KIAA1671: variants seen among roughly 807,000 people sequenced by gnomAD.
KIAA1671 encodes uncharacterized protein KIAA1671.
In KIAA1671, 52 loss-of-function variants were observed where a neutral mutation model predicts 131.2. That is an observed-to-expected ratio of 0.40 (90% confidence interval 0.32 to 0.50). The LOEUF (loss-of-function observed/expected upper bound fraction) is 0.50. KIAA1671 is among the 20% of genes least tolerant of loss of function. The pLI is 0.73. For missense variants in KIAA1671, 2,360 were observed against 2,364.2 expected (o/e 1.00, Z 0.04); for synonymous variants, 1,003 against 961.6 (o/e 1.04, Z -0.80).
Position 25,040,017 on chromosome 22 carries a change from T to C in KIAA1671, c.2887T>C (p.Ser963Pro), listed in dbSNP as rs1242584997. ...PPNVKFDTFS[S>P]LVPEDSPHVG... ...CAACGTGAAATTTGATACATTCAGT[T>C]CTCTTGTCCCAGAGGACTCTCCACA... The change falls in exon 5 of 13, where the codon TCT becomes CCT. Residue 963 changes from serine (S) to proline (P), a missense_variant. Transcript: ENST00000358431. 6.4e-7 allele frequency: 1 copy of C among 1,551,482 alleles called. No individual in the cohort carries two copies. The highest frequency in any genetic ancestry group is 1.4e-5 in the African/African-American group (1 of 73,002).
At chr22:25,156,260 C>T (rs890968540) in intron 6 of KIAA1671, among the ~76,000 whole-genome samples, 5 of 151,714 alleles carry the variant, frequency 3.3e-5, no homozygotes, top group South Asian at 2.1e-4. Flanking sequence ...CTCCTGACCT[C>T]GTGATCCGCC....
At chr22:25,169,834 T>C (rs796813883) in intron 6 of KIAA1671, among the ~76,000 whole-genome samples, 7 of 152,346 alleles carry the variant, frequency 4.6e-5, no homozygotes, top group African/African-American at 1.7e-4. Flanking sequence ...AAGGGATTGA[T>C]GTTGCCTGAA....
rs796981882 is a variant in KIAA1671, at chr22:25,027,517, A to G, written c.-55-428A>G. 5.3e-3 allele frequency among the ~76,000 whole-genome samples: 814 copies of G among 152,336 alleles called. 13 individuals carry two copies. The highest frequency in any genetic ancestry group is 0.019 in the African/African-American group (772 of 41,568). ...CACTGAGGCCTATTCAGGGAGGAGCATGTGTGGTGTGAATTTGGTGTCAAA... is the reference window on the plus strand; with the variant it reads ...CACTGAGGCCTATTCAGGGAGGAGCGTGTGTGGTGTGAATTTGGTGTCAAA... On this transcript the variant is annotated intron_variant, in intron 2 of 12. Coordinates refer to ENST00000358431, the MANE Select transcript of KIAA1671 (RefSeq NM_001145206.2).
At chr22:25,154,041 GGGA>G (rs1933140547) in intron 6 of KIAA1671, among the ~76,000 whole-genome samples, 1 of 152,240 alleles carries the variant, frequency 6.6e-6, no homozygotes, top group East Asian at 1.9e-4. Context: ...AGAGGTATCA[GGGA>G]GGAGGACAGT....
In KIAA1671 at chr22:25,174,433, C is replaced by A; in HGVS notation, c.4843C>A (p.Pro1615Thr). 3 of 1,547,842 alleles carry A rather than the reference C, an allele frequency of 1.9e-6. No homozygotes were observed. Among genetic ancestry groups the A allele is most frequent in the Non-Finnish European group, 2.6e-6 (3 of 1,143,840 alleles). Reference sequence around the variant, plus strand: ...GGAATCCACCGATGGGATGGAGGGGCCGCCTCCACCGGACGCCTGCCCTGA... The same window carrying A: ...GGAATCCACCGATGGGATGGAGGGGACGCCTCCACCGGACGCCTGCCCTGA... ...DLESTDGMEG[P>T]PPPDACPEKR... The change falls in exon 8 of 13, where the codon CCG (proline) becomes ACG (threonine). Residue 1615 changes from proline to threonine, a missense_variant. This residue lies in a region of KIAA1671 where 1,161 missense variants were observed against 1,204.7 expected (regional missense o/e 0.96). Transcript: ENST00000358431.
intron 6 of KIAA1671, chr22:25,064,636 G>T (rs1241428431): frequency 6.6e-6 from 1 of 152,170 alleles, no homozygotes; most frequent in Non-Finnish European, 1.5e-5. Context: ...AACCTGTTCT[G>T]TCTGCGCCCT....
At chr22:25,125,698 A>G (rs1932147951) in intron 6 of KIAA1671, among the ~76,000 whole-genome samples, 1 of 152,152 alleles carries the variant, frequency 6.6e-6, no homozygotes, top group Admixed American at 6.5e-5. Flanking sequence ...CCCAGTTGTG[A>G]TGCCCAAAAA....
chr22:25,063,128 G>A (rs967635763), intron 6 of KIAA1671: 1 of 152,048 alleles, frequency 6.6e-6, no homozygotes, highest in Non-Finnish European at 1.5e-5. Flanking sequence ...AGCAAGTTCC[G>A]GAGTGCAGTA....
At chr22:25,141,046 C>T (rs1932799860) in intron 6 of KIAA1671, among the ~76,000 whole-genome samples, 1 of 152,128 alleles carries the variant, frequency 6.6e-6, no homozygotes, top group African/African-American at 2.4e-5. Context: ...ACAGATAAGA[C>T]TGGGCTCAGA....
intron 6 of KIAA1671, among the ~76,000 whole-genome samples, chr22:25,107,697 T>TTG (rs567270638): frequency 3.3e-5 from 5 of 151,784 alleles, no homozygotes; most frequent in South Asian, 4.2e-4. Context: ...ACTCCATTTT[T>TTG]TGTGTGTGTG....
intron 1 of KIAA1671, among the ~76,000 whole-genome samples, chr22:24,987,960 T>C (rs1255373560): frequency 6.6e-6 from 1 of 152,170 alleles, no homozygotes; most frequent in South Asian, 2.1e-4. Context: ...GGGGTCCATC[T>C]GCAGCATCAC....
chr22:25,032,527 G>A, intron 3 of KIAA1671, 82 bp from the exon 4 acceptor site: 1 of 798,748 alleles, frequency 1.3e-6, no homozygotes, highest in Non-Finnish European at 2.1e-6. Flanking sequence ...AGGTTACTTG[G>A]CCTGGCCTCC....
chr22:25,139,151 G>A (rs1238490179), intron 6 of KIAA1671, among the ~76,000 whole-genome samples: 1 of 152,238 alleles, frequency 6.6e-6, no homozygotes, highest in Non-Finnish European at 1.5e-5. Flanking sequence ...GAATTCTGGG[G>A]ATGCTGCTTG....
chr22:25,096,379 G>T (rs1435082430), intron 6 of KIAA1671, among the ~76,000 whole-genome samples: 1 of 152,180 alleles, frequency 6.6e-6, no homozygotes, highest in African/African-American at 2.4e-5. Flanking sequence ...TAGCTGAGGA[G>T]CCTGGTCTCA....
intron 6 of KIAA1671, among the ~76,000 whole-genome samples, chr22:25,073,513 C>T (rs561036048): frequency 2.0e-5 from 3 of 152,202 alleles, no homozygotes; most frequent in Admixed American, 6.5e-5. Flanking sequence ...CTCATAGTCA[C>T]CTTTTATTTA....
chr22:24,979,946 G>A (rs1923139109), intron 1 of KIAA1671, among the ~76,000 whole-genome samples: 1 of 151,748 alleles, frequency 6.6e-6, no homozygotes, highest in Non-Finnish European at 1.5e-5. Context: ...CTGTGTTGTA[G>A]CATGTAAGAA....
At chr22:24,967,948 A>G (rs1217723683) in intron 1 of KIAA1671, among the ~76,000 whole-genome samples, 7 of 152,100 alleles carry the variant, frequency 4.6e-5, no homozygotes, top group South Asian at 4.1e-4. Context: ...AACCGAGATC[A>G]TGCCACTGCA....
intron 1 of KIAA1671, among the ~76,000 whole-genome samples, chr22:24,996,305 T>C (rs1033815076): frequency 2.6e-4 from 39 of 151,708 alleles, no homozygotes; most frequent in African/African-American, 8.0e-4. Flanking sequence ...GTGTATCTTA[T>C]AGAGATGAAA....
intron 3 of KIAA1671, 50 bp downstream of exon 3, chr22:25,029,590 C>A: frequency 7.4e-7 from 1 of 1,355,406 alleles, no homozygotes; most frequent in Non-Finnish European, 9.9e-7. Flanking sequence ...CCCACACACC[C>A]TGAGGAAGAC....
Sources: allele counts gnomAD v4.1 joint callset (sites outside exome capture counted in the v4.1 genomes callset), GRCh38; gene constraint gnomAD v4.1.1; regional missense constraint gnomAD v4.1.1; transcripts MANE v1.5; gene names NCBI Gene and HGNC (gene_info 2026-07-23, HGNC 2026-07-21).